TRHDE: variants seen among roughly 807,000 people sequenced by gnomAD.
TRHDE encodes thyrotropin-releasing hormone-degrading ectoenzyme.
Under a neutral mutation model 125.7 loss-of-function variants are expected in TRHDE, and 72 were observed. That is an observed-to-expected ratio of 0.57 (90% CI 0.47 to 0.70). The LOEUF (loss-of-function observed/expected upper bound fraction) is 0.70, where lower values mean the gene tolerates loss of function less well. TRHDE is among the 30% of genes least tolerant of loss of function. The pLI, the probability that TRHDE is intolerant of heterozygous loss-of-function variation, is 0.00. For synonymous variants in TRHDE, 509 were observed against 509.1 expected (o/e 1.00, Z 0.00); for missense variants, 1,110 against 1,327.1 (o/e 0.84, Z 2.54).
chr12:72,435,508 C>T (rs11179204), intron 3 of TRHDE, among the ~76,000 whole-genome samples: 16,590 of 151,420 alleles, frequency 0.11, 1,241 homozygotes, highest in East Asian at 0.42. Context: ...ATGTTTGATT[C>T]GAATATGAAA....
chr12:72,597,756 T>TATATAC (rs1555200902), intron 12 of TRHDE, among the ~76,000 whole-genome samples: 1 of 10,628 alleles, frequency 9.4e-5, no homozygotes, highest in Non-Finnish European at 2.1e-4. Context: ...TATATATATA[T>TATATAC]ATGCATACAC....
intron 3 of TRHDE, among the ~76,000 whole-genome samples, chr12:72,437,944 G>A (rs190078711): frequency 7.4e-4 from 112 of 151,692 alleles, no homozygotes; most frequent in Non-Finnish European, 1.3e-4. Context: ...AATCACCCCA[G>A]CCCTTGGTAA....
chr12:72,188,187 A>G (rs1877266190), intron 2 of TRHDE, among the ~76,000 whole-genome samples: 1 of 152,240 alleles, frequency 6.6e-6, no homozygotes, highest in South Asian at 2.1e-4. Flanking sequence ...GTGGAGATGG[A>G]GCAAATTAAA....
At chr12:72,488,068 T>TG (rs1487034259) in intron 5 of TRHDE, among the ~76,000 whole-genome samples, 1 of 151,960 alleles carries the variant, frequency 6.6e-6, no homozygotes, top group Non-Finnish European at 1.5e-5. Flanking sequence ...CAGAAAATTT[T>TG]CAAATCACAA....
intron 9 of TRHDE, among the ~76,000 whole-genome samples, chr12:72,567,707 C>A (rs73146969): frequency 0.033 from 5,047 of 151,938 alleles, 95 homozygotes; most frequent in Non-Finnish European, 0.049. Context: ...TGTTGGCTAC[C>A]CTATTGATAA....
intron 3 of TRHDE, among the ~76,000 whole-genome samples, chr12:72,444,569 T>G (rs2135860629): frequency 6.6e-6 from 1 of 151,978 alleles, no homozygotes; most frequent in South Asian, 2.1e-4. Flanking sequence ...ATGGCAAAAC[T>G]TGAAGACTTT....
At chr12:72,379,426 T>G (rs896010099) in intron 3 of TRHDE, among the ~76,000 whole-genome samples, 1 of 152,222 alleles carries the variant, frequency 6.6e-6, no homozygotes, top group African/African-American at 2.4e-5. Context: ...CTGTTATACT[T>G]AAATCTCCCT....
At chr12:72,185,429 G>C (rs1226153017) in intron 2 of TRHDE, among the ~76,000 whole-genome samples, 1 of 152,242 alleles carries the variant, frequency 6.6e-6, no homozygotes, top group Admixed American at 6.5e-5. Context: ...TGAGGAATGC[G>C]AGCGCACGGC....
intron 6 of TRHDE, among the ~76,000 whole-genome samples, chr12:72,531,360 G>A (rs970291553): frequency 6.6e-6 from 1 of 151,842 alleles, no homozygotes; most frequent in African/African-American, 2.4e-5. Context: ...ATTAATGAGA[G>A]TTGCTTTTTG....
intron 5 of TRHDE, among the ~76,000 whole-genome samples, chr12:72,493,865 A>G (rs1346678350): frequency 1.3e-5 from 2 of 151,856 alleles, no homozygotes; most frequent in Non-Finnish European, 2.9e-5. Flanking sequence ...TTCAAACTCT[A>G]CCCTGCCTAA....
At chr12:72,119,261 A>C (rs890262984) in intron 2 of TRHDE, among the ~76,000 whole-genome samples, 7 of 152,076 alleles carry the variant, frequency 4.6e-5, no homozygotes, top group Non-Finnish European at 7.4e-5. Flanking sequence ...TGTTTCAAGA[A>C]ATTTTTCAAT....
intron 5 of TRHDE, among the ~76,000 whole-genome samples, chr12:72,483,806 T>TGTTAAGGTTTTATCAGAC (rs1471484863): frequency 1.3e-5 from 2 of 152,028 alleles, no homozygotes; most frequent in Non-Finnish European, 2.9e-5. Context: ...ATCTGACAAA[T>TGTTAAGGTTTTATCAGAC]GTTAAGGTTT....
chr12:72,584,626 T>A (rs1053758134), intron 12 of TRHDE, among the ~76,000 whole-genome samples: 7 of 152,200 alleles, frequency 4.6e-5, no homozygotes, highest in Non-Finnish European at 1.5e-5. Flanking sequence ...TTTTTTAGAT[T>A]CCACATATAA....
chr12:72,478,121 C>A (rs555934434), intron 5 of TRHDE, among the ~76,000 whole-genome samples: 1 of 152,240 alleles, frequency 6.6e-6, no homozygotes, highest in African/African-American at 2.4e-5. Flanking sequence ...AATAACTCCT[C>A]TGAAGTAATA....
chr12:72,430,482 T>TAC (rs1258425356), intron 3 of TRHDE, among the ~76,000 whole-genome samples: 5 of 149,784 alleles, frequency 3.3e-5, no homozygotes, highest in Non-Finnish European at 7.4e-5. Context: ...CATATATATA[T>TAC]ACACACACAC....
chr12:72,312,376 T>C (rs914976254), intron 2 of TRHDE, among the ~76,000 whole-genome samples: 1 of 152,232 alleles, frequency 6.6e-6, no homozygotes, highest in Non-Finnish European at 1.5e-5. Context: ...TTTCTATATA[T>C]AGGAGGTTAG....
At chr12:72,368,472 A>T (rs1871433046) in intron 2 of TRHDE, among the ~76,000 whole-genome samples, 1 of 152,144 alleles carries the variant, frequency 6.6e-6, no homozygotes, top group African/African-American at 2.4e-5. Context: ...CTTTACTCTC[A>T]TGGGACTCTG....
intron 2 of TRHDE, among the ~76,000 whole-genome samples, chr12:72,169,779 C>T (rs1247175232): frequency 6.6e-6 from 1 of 152,092 alleles, no homozygotes; most frequent in Non-Finnish European, 1.5e-5. Context: ...CCCCATTAAA[C>T]CTTAATTACA....
intron 12 of TRHDE, among the ~76,000 whole-genome samples, chr12:72,597,709 G>GTATATA (rs1227448318): frequency 5.3e-5 from 3 of 56,960 alleles, no homozygotes; most frequent in African/African-American, 6.9e-5. Flanking sequence ...ATGTGTGTGT[G>GTATATA]TATGTATATA....
Sources: allele counts gnomAD v4.1 joint callset (sites outside exome capture counted in the v4.1 genomes callset), GRCh38; gene constraint gnomAD v4.1.1; transcripts MANE v1.5; gene names NCBI Gene and HGNC (gene_info 2026-07-23, HGNC 2026-07-21).